FGF12: variants seen among roughly 807,000 people sequenced by gnomAD.
FGF12 encodes fibroblast growth factor 12B.
Under a neutral mutation model 23.6 loss-of-function variants are expected in FGF12, and 14 were observed. The observed-to-expected ratio is 0.59, with a 90% CI of 0.39 to 0.93. FGF12 has a LOEUF of 0.93. FGF12 is among the 40% of genes least tolerant of loss of function. The pLI is 0.00. For missense variants in FGF12, 175 were observed against 217.8 expected (o/e 0.80, Z 1.24); for synonymous variants, 62 against 77.3 (o/e 0.80, Z 1.04).
At chr3:192,666,476 A>G (rs999859713) in intron 2 of FGF12, among the ~76,000 whole-genome samples, 3 of 152,216 alleles carry the variant, frequency 2.0e-5, no homozygotes, top group Non-Finnish European at 4.4e-5. Context: ...TGTGACTTCT[A>G]TTTTAGCACT....
chr3:192,478,973 G>A (rs980047889), intron 2 of FGF12, among the ~76,000 whole-genome samples: 2 of 152,090 alleles, frequency 1.3e-5, no homozygotes, highest in Non-Finnish European at 2.9e-5. Context: ...CATCACTAAG[G>A]CAAAATAAAT....
intron 2 of FGF12, among the ~76,000 whole-genome samples, chr3:192,616,322 A>T (rs375903547): frequency 6.6e-6 from 1 of 152,190 alleles, no homozygotes; most frequent in South Asian, 2.1e-4. Flanking sequence ...ACGATCTACA[A>T]TCTGAGAAAT....
rs1576960051 is a variant in FGF12 at position 192,409,034 on chromosome 3, C to T, written c.14-48496G>A. 1.0e-6 allele frequency: 1 copy of T among 983,554 alleles called. No homozygotes were observed. The highest frequency in any genetic ancestry group is 1.2e-6 in the Non-Finnish European group (1 of 829,302). The allele number at this position is 983,554 out of a possible 1,614,324, so 60.9% of individuals were successfully genotyped here. On this transcript the variant is annotated intron_variant, in intron 2 of 5. Coordinates refer to ENST00000445105, the MANE Select transcript of FGF12 (RefSeq NM_004113.6). The surrounding 1 kb of genome is among the most constrained non-coding windows in gnomAD (Gnocchi z 4.8). ...GTTTCCAGCTGCGGTGAGAGCAACTCCCGGCCAGCAGCACTGCAAAGAGAG... is the reference window on the plus strand; with the variant it reads ...GTTTCCAGCTGCGGTGAGAGCAACTTCCGGCCAGCAGCACTGCAAAGAGAG...
chr3:192,256,116 C>T (rs1464905417), intron 4 of FGF12, among the ~76,000 whole-genome samples: 1 of 152,044 alleles, frequency 6.6e-6, no homozygotes, highest in East Asian at 1.9e-4. Context: ...CTTGTCCTGT[C>T]CTCATCTTCT....
At chr3:192,584,386 C>T (rs1713287867) in intron 2 of FGF12, among the ~76,000 whole-genome samples, 1 of 151,760 alleles carries the variant, frequency 6.6e-6, no homozygotes, top group Non-Finnish European at 1.5e-5. Flanking sequence ...GAATTTTTAT[C>T]TAGTATATTA....
chr3:192,434,037 A>G (rs948172991), intron 2 of FGF12, among the ~76,000 whole-genome samples: 8 of 152,370 alleles, frequency 5.3e-5, no homozygotes, highest in African/African-American at 1.9e-4. Context: ...GCCAGAGCCA[A>G]AACTGGCAAT....
intron 2 of FGF12, among the ~76,000 whole-genome samples, chr3:192,380,945 T>C (rs1719789221): frequency 6.7e-6 from 1 of 149,604 alleles, no homozygotes; most frequent in South Asian, 2.1e-4. Flanking sequence ...CAGTATTCTA[T>C]TTATATATAG....
At chr3:192,489,339 G>A (rs768838631) in intron 2 of FGF12, among the ~76,000 whole-genome samples, 8 of 151,550 alleles carry the variant, frequency 5.3e-5, no homozygotes, top group Non-Finnish European at 1.2e-4. Flanking sequence ...ATATAAAATT[G>A]CACATTACAA....
At chr3:192,415,594 C>T (rs1243591013) in intron 2 of FGF12, among the ~76,000 whole-genome samples, 3 of 151,974 alleles carry the variant, frequency 2.0e-5, no homozygotes, top group East Asian at 1.9e-4. Context: ...TTTATCAACA[C>T]TCCCTAAAAT....
chr3:192,719,960 C>T (rs1005897951), intron 2 of FGF12, among the ~76,000 whole-genome samples: 6 of 152,310 alleles, frequency 3.9e-5, no homozygotes, highest in Admixed American at 3.9e-4. Flanking sequence ...TCGAGGAAAA[C>T]CTGTTTCACG....
intron 2 of FGF12, among the ~76,000 whole-genome samples, chr3:192,407,154 T>G (rs1299753444): frequency 6.6e-6 from 1 of 152,150 alleles, no homozygotes; most frequent in Non-Finnish European, 1.5e-5. Flanking sequence ...CCTTTGCAAG[T>G]AGAGACACAT....
chr3:192,408,330 G>A lies in FGF12; in HGVS notation c.14-47792C>T. Reference sequence around the variant, plus strand: ...GCGGCCAGGGAAAGGGCAGTCGCGGGGAGGCAGTGCTAAAATTTGAGGAGG... The same window carrying A: ...GCGGCCAGGGAAAGGGCAGTCGCGGAGAGGCAGTGCTAAAATTTGAGGAGG... On this transcript the variant is annotated intron_variant, in intron 2 of 5. Coordinates refer to ENST00000445105, the MANE Select transcript of FGF12 (RefSeq NM_004113.6). The surrounding 1 kb of genome is among the most constrained non-coding windows in gnomAD (Gnocchi z 7.3). 1 of 1,434,210 alleles carries A rather than the reference G, an allele frequency of 7.0e-7. No homozygotes were observed. The highest frequency in any genetic ancestry group is 9.1e-7 in the Non-Finnish European group (1 of 1,098,412). 88.8% of individuals were successfully genotyped at this position (1,434,210 alleles called of 1,614,324 possible).
At chr3:192,303,973 T>C (rs754679339) in intron 4 of FGF12, among the ~76,000 whole-genome samples, 1 of 152,204 alleles carries the variant, frequency 6.6e-6, no homozygotes, top group Admixed American at 6.5e-5. Flanking sequence ...TAATCTCCAG[T>C]AAGCCATTTC....
chr3:192,625,412 A>T lies in FGF12; in HGVS notation c.13+101769T>A, dbSNP rs1472349307. Among the ~76,000 whole-genome samples, 6 of 152,200 alleles carry T rather than the reference A, an allele frequency of 3.9e-5. No individual in the cohort carries two copies. In the East Asian group the frequency reaches 1.2e-3, roughly 29 times the overall value. The stretch of plus-strand genomic sequence containing the variant: ...TTAATTTTTAGTTTGCTTTTTTCTT[A>T]TTAAGACTGAGATTGAGCATATTTC... On this transcript the variant is annotated intron_variant, in intron 2 of 5. Coordinates refer to ENST00000445105, the MANE Select transcript of FGF12 (RefSeq NM_004113.6).
At chr3:192,172,250 G>T (rs1715609308) in intron 4 of FGF12, among the ~76,000 whole-genome samples, 1 of 140,392 alleles carries the variant, frequency 7.1e-6, no homozygotes, top group East Asian at 2.0e-4. Context: ...TTAGCTGGGT[G>T]TGGTGGCAGA....
chr3:192,574,792 C>T (rs1220131492), intron 2 of FGF12, among the ~76,000 whole-genome samples: 10 of 152,182 alleles, frequency 6.6e-5, no homozygotes, highest in Non-Finnish European at 1.3e-4. Context: ...CTCCTCCAGC[C>T]CAGTCAAACT....
At chr3:192,506,884 T>G (rs1482999619) in intron 2 of FGF12, among the ~76,000 whole-genome samples, 1 of 134,330 alleles carries the variant, frequency 7.4e-6, no homozygotes, top group Non-Finnish European at 1.6e-5. Context: ...GTCATGGCCA[T>G]TAACTCAGTT....
chr3:192,600,920 T>C (rs1411172907), intron 2 of FGF12, among the ~76,000 whole-genome samples: 1 of 152,012 alleles, frequency 6.6e-6, no homozygotes, highest in Admixed American at 6.6e-5. Flanking sequence ...ATAGAACTAC[T>C]GTACGACCCA....
intron 2 of FGF12, among the ~76,000 whole-genome samples, chr3:192,590,592 T>A (rs890141679): frequency 3.3e-5 from 5 of 151,908 alleles, no homozygotes; most frequent in Admixed American, 1.3e-4. Context: ...GCCCAAAAAT[T>A]ATCAACAGAA....
Sources: gnomAD v4.1 joint callset for allele counts (sites outside exome capture counted in the v4.1 genomes callset) on GRCh38, gnomAD v4.1.1 for gene constraint, Gnocchi (gnomAD v3.1) non-coding constraint, MANE v1.5 for transcripts, NCBI Gene and HGNC (gene_info 2026-07-23, HGNC 2026-07-21) for gene names.